Variants in LAMB1 observed in about 807,000 individuals in gnomAD.
LAMB1 encodes the protein laminin subunit beta-1.
A neutral mutation model predicts 222.3 loss-of-function variants in LAMB1; 121 were observed. That is an observed-to-expected ratio of 0.54 (90% CI 0.47 to 0.63). LAMB1 has a LOEUF of 0.63. Among genes scored for constraint, LAMB1 ranks in the 30% least tolerant of loss-of-function variants. The pLI, the probability that LAMB1 is intolerant of heterozygous loss-of-function variation, is 0.00. For missense variants in LAMB1, 2,172 were observed against 2,240.8 expected (o/e 0.97, Z 0.62); for synonymous variants, 794 against 807.2 (o/e 0.98, Z 0.28).
rs1324378075 is a variant in LAMB1 at position 107,955,611 on chromosome 7, C to A, written c.2710G>T (p.Gly904Cys). Reference protein sequence around the residue: ...NCERCLAGYYGDPIIGSGDHC... With the variant: ...NCERCLAGYYCDPIIGSGDHC... The stretch of plus-strand genomic sequence containing the variant: ...TCTCCTGACCCAATGATGGGGTCGC[C>A]ATAGTAACCAGCCAAGCACCTGCAT... Residue 904 changes from glycine (G) to cysteine (C), a missense_variant, in exon 21 of 34, where the codon GGC becomes TGC. Transcript: ENST00000222399. 5.0e-6 allele frequency: 8 copies of A among 1,613,174 alleles called. No individual in the cohort carries two copies. The highest frequency in any genetic ancestry group is 2.5e-6 in the Non-Finnish European group (3 of 1,179,662).
chr7:107,986,253 T>C lies in LAMB1; in HGVS notation c.534A>G (p.Ser178=). 6.2e-7 allele frequency: 1 copy of C among 1,614,184 alleles called. No individual in the cohort carries two copies. Among genetic ancestry groups the C allele is most frequent in the African/African-American group, 1.3e-5 (1 of 75,052 alleles). ...CATCGACTTTTTTCATGGGGCCAGT[T>C]GAAATGCCTGGAAACGAGGCCTCAC... ...YDCEASFPGI[S]TGPMKKVDDI... Residue 178 remains serine, a synonymous_variant, in exon 6 of 34, where the codon TCA becomes TCG. Coordinates refer to ENST00000222399, the MANE Select transcript of LAMB1 (RefSeq NM_002291.3).
Position 107,975,282 on chromosome 7 carries a change from T to C in LAMB1, c.1321A>G (p.Lys441Glu). 1 of 1,614,162 alleles carries C rather than the reference T, an allele frequency of 6.2e-7. No homozygotes were observed. The highest frequency in any genetic ancestry group is 1.1e-5 in the South Asian group (1 of 91,054). The change falls in exon 11 of 34, where the codon AAA becomes GAA. Residue 441 changes from lysine to glutamate, a missense_variant. Physicochemically the swap from Lys to Glu is moderately conservative, Grantham distance 56. Coordinates refer to ENST00000222399, the MANE Select transcript of LAMB1 (RefSeq NM_002291.3). ...NVEGEHCDVCKEGFYDLSSED... is the reference protein window; with the variant it reads ...NVEGEHCDVCEEGFYDLSSED... ...CTGCTTAAATCATAGAAGCCTTCTT[T>C]GCAAACATCACAATGTTCTCCTTCC...
At position 107,975,002 on chromosome 7, in the gene LAMB1, T is replaced by C. The variant is rs765931846; in HGVS notation, c.1466A>G (p.His489Arg). Residue 489 changes from histidine (H) to arginine (R), a missense_variant, in exon 12 of 34, where the codon CAT becomes CGT. By Grantham distance (29) the His-to-Arg change is conservative (BLOSUM62 0). Transcript: ENST00000222399. ...TTTACTTACCAGGCACTGGTCACAA[T>C]GCTGTCCTGTCACCAGACGCTTGCA... ...CYCKRLVTGQ[H>R]CDQCLPEHWG... The C allele has an allele frequency of 1.3e-6, 2 of 1,599,170 alleles. No individual in the cohort carries two copies. The highest frequency in any genetic ancestry group is 2.2e-5 in the East Asian group (1 of 44,796).
intron 8 of LAMB1, among the ~76,000 whole-genome samples, chr7:107,979,440 G>A (rs1029027826): frequency 4.6e-5 from 7 of 152,176 alleles, no homozygotes; most frequent in African/African-American, 1.7e-4. Context: ...CCCTGGGGCT[G>A]AGTGAGGAGA....
Position 107,986,297 on chromosome 7 carries a change from T to C in LAMB1, c.490A>G (p.Arg164Gly). Residue 164 changes from arginine to glycine, a missense_variant, in exon 6 of 34, where the codon AGA (arginine) becomes GGA (glycine). Transcript: ENST00000222399. Reference sequence around the variant, plus strand: ...GCCTCACAGTCATAGGCGAAGTATCTATACACACCCCAGGTTTTCCCAAAG... The same window carrying C: ...GCCTCACAGTCATAGGCGAAGTATCCATACACACCCCAGGTTTTCCCAAAG... The part of the protein sequence containing the change: ...SDFGKTWGVY[R>G]YFAYDCEASF... The C allele has an allele frequency of 6.2e-7, 1 of 1,613,744 alleles. No homozygotes were observed. Among genetic ancestry groups the C allele is most frequent in the Non-Finnish European group, 8.5e-7 (1 of 1,179,694 alleles).
intron 7 of LAMB1, 93 bp downstream of exon 7, chr7:107,985,929 C>T: frequency 2.0e-6 from 2 of 986,120 alleles, no homozygotes; most frequent in Non-Finnish European, 3.1e-6. Flanking sequence ...TGCACTCCAG[C>T]CTGGGCAACA....
intron 3 of LAMB1, 35 bp downstream of exon 3, chr7:108,001,523 C>G: frequency 6.5e-7 from 1 of 1,547,044 alleles, no homozygotes. Flanking sequence ...GGAGGAGGCG[C>G]TAGCAGAGCC....
chr7:107,994,721 T>C (rs1430113653), intron 5 of LAMB1, among the ~76,000 whole-genome samples, 166 bp downstream of exon 5: 2 of 152,368 alleles, frequency 1.3e-5, no homozygotes, highest in Middle Eastern at 3.4e-3. Context: ...ATTTGTTAAA[T>C]GCAGTTATTC....
rs774447066 is a variant in LAMB1 at position 107,941,822 on chromosome 7, CTTTTTTTTTTTTTTTTT to C, written c.3392-1481_3392-1465del. Among the ~76,000 whole-genome samples the C allele has an allele frequency of 7.5e-3, 238 of 31,878 alleles. 5 individuals carry two copies. The highest frequency in any genetic ancestry group is 9.9e-3 in the Non-Finnish European group (184 of 18,664). 20.9% of individuals were successfully genotyped at this position (31,878 alleles called of 152,430 possible). ...TACAGGCATGCGCCACCACACCCGG[CTTTTTTTTTTTTTTTTT>C]TTTTTTTTTTTTTTTTTTTAAGAGA... On this transcript the variant is annotated intron_variant, in intron 24 of 33. Coordinates refer to ENST00000222399, the MANE Select transcript of LAMB1 (RefSeq NM_002291.3).
intron 20 of LAMB1, among the ~76,000 whole-genome samples, chr7:107,957,981 T>G (rs141571652): frequency 6.6e-6 from 1 of 152,302 alleles, no homozygotes; most frequent in African/African-American, 2.4e-5. Flanking sequence ...CATTCTGACA[T>G]GATGTTCGTT....
chr7:107,935,280 A>G, intron 27 of LAMB1, 135 bp downstream of exon 27: 1 of 1,320,890 alleles, frequency 7.6e-7, no homozygotes, highest in Non-Finnish European at 1.0e-6. Context: ...TCAGCCTAGG[A>G]GTTTCAGTCC....
chr7:107,969,287 C>CAAA lies in LAMB1; in HGVS notation c.1562+3702_1562+3704dup, dbSNP rs367658684. Among the ~76,000 whole-genome samples the CAAA allele has an allele frequency of 3.4e-3, 289 of 85,910 alleles. 1 individual carries two copies. The highest frequency in any genetic ancestry group is 9.3e-3 in the African/African-American group (268 of 28,682). 56.4% of individuals were successfully genotyped at this position (85,910 alleles called of 152,430 possible). ...TGGGCGACAGAGCGAGACTCCGTCTCAAAAAAAAAAAAAAAAAATCATAAA... is the reference window on the plus strand; with the variant it reads ...TGGGCGACAGAGCGAGACTCCGTCTCAAAAAAAAAAAAAAAAAAAAATCATAAA... On this transcript the variant is annotated intron_variant, in intron 13 of 33. Transcript: ENST00000222399.
chr7:107,988,507 T>C (rs2034123407), intron 5 of LAMB1, among the ~76,000 whole-genome samples: 1 of 152,182 alleles, frequency 6.6e-6, no homozygotes, highest in African/African-American at 2.4e-5. Context: ...TAGAAAAACG[T>C]ATCAACCAGG....
chr7:107,926,095 G>A, intron 32 of LAMB1, 88 bp downstream of exon 32: 2 of 932,602 alleles, frequency 2.1e-6, no homozygotes, highest in East Asian at 2.4e-5. Context: ...GTTTCTGTTA[G>A]GTCCATGTCC....
intron 25 of LAMB1, among the ~76,000 whole-genome samples, chr7:107,938,805 C>T (rs903895004): frequency 2.6e-5 from 4 of 152,186 alleles, no homozygotes; most frequent in Non-Finnish European, 5.9e-5. Context: ...CTACATCAGA[C>T]GTTTCCTAAC....
intron 5 of LAMB1, among the ~76,000 whole-genome samples, 162 bp downstream of exon 5, chr7:107,994,725 G>A (rs1245879899): frequency 1.3e-5 from 2 of 152,220 alleles, no homozygotes; most frequent in African/African-American, 4.8e-5. Context: ...GTTAAATGCA[G>A]TTATTCATGC....
intron 24 of LAMB1, among the ~76,000 whole-genome samples, chr7:107,941,439 C>CCT (rs1394963638): frequency 6.6e-6 from 1 of 152,168 alleles, no homozygotes; most frequent in Non-Finnish European, 1.5e-5. Context: ...ATTGTGGACT[C>CCT]CAAGGGCAGG....
chr7:107,972,624 T>C (rs1300623671), intron 13 of LAMB1, among the ~76,000 whole-genome samples: 4 of 152,016 alleles, frequency 2.6e-5, no homozygotes, highest in African/African-American at 4.8e-5. Context: ...GAAAAGATTC[T>C]CTACACAAAT....
At chr7:107,936,390 A>AAGAG (rs111758024) in intron 26 of LAMB1, 2 of 152,194 alleles carry the variant, frequency 1.3e-5, no homozygotes, top group East Asian at 1.9e-4. Context: ...GAAAGAAAGA[A>AAGAG]AGAGAGAGAG....
Sources: gnomAD v4.1 joint callset for allele counts (sites outside exome capture counted in the v4.1 genomes callset) on GRCh38, gnomAD v4.1.1 for gene constraint, MANE v1.5 for transcripts, NCBI Gene and HGNC (gene_info 2026-07-23, HGNC 2026-07-21) for gene names.